The following MYPN variants were observed in gnomAD, a reference collection of about 807,000 sequenced individuals.
The protein encoded by MYPN is sarcomeric protein myopalladin, 145 kDa (MYOP).
In MYPN, 63 loss-of-function variants were observed where a neutral mutation model predicts 129.4. The observed-to-expected ratio is 0.49, with a 90% CI of 0.40 to 0.60. The LOEUF (loss-of-function observed/expected upper bound fraction) is 0.60, where lower values mean the gene tolerates loss of function less well. MYPN is among the 20% of genes least tolerant of loss of function. The pLI is 0.00. For missense variants in MYPN, 1,596 were observed against 1,635.4 expected (o/e 0.98, Z 0.42); for synonymous variants, 629 against 600.9 (o/e 1.05, Z -0.68).
intron 6 of MYPN, among the ~76,000 whole-genome samples, chr10:68,155,743 A>C (rs561972043): frequency 6.6e-6 from 1 of 152,174 alleles, no homozygotes; most frequent in South Asian, 2.1e-4. Context: ...AGCAGCTTTC[A>C]GCAATAACAA....
rs189073230 is a variant in MYPN, at chr10:68,194,314, C to T, written c.2926-49C>T. 132 of 1,600,846 alleles carry T rather than the reference C, an allele frequency of 8.2e-5. 1 individual carries two copies. The East Asian group carries it at 2.3e-3, about 28-fold the overall frequency. On this transcript the variant is annotated intron_variant, in intron 13 of 19. Transcript: ENST00000358913. The stretch of plus-strand genomic sequence containing the variant: ...TCACCCCAGACCCTAGTTCATTAAC[C>T]TCTAAAGATAAACAAAACAGTGTAC...
At chr10:68,146,123 A>T (rs897344813) in intron 4 of MYPN, among the ~76,000 whole-genome samples, 1 of 132,742 alleles carries the variant, frequency 7.5e-6, no homozygotes, top group Non-Finnish European at 1.5e-5. Context: ...AGCAACATTT[A>T]AAAAAAATCT....
chr10:68,203,623 A>G (rs1167009332), intron 18 of MYPN, among the ~76,000 whole-genome samples: 5 of 151,808 alleles, frequency 3.3e-5, no homozygotes, highest in Non-Finnish European at 7.4e-5. Flanking sequence ...GATACTTTAA[A>G]CTCATAGTGA....
intron 6 of MYPN, among the ~76,000 whole-genome samples, chr10:68,154,253 G>A (rs1589563888): frequency 1.3e-5 from 2 of 152,190 alleles, no homozygotes; most frequent in South Asian, 2.1e-4. Context: ...AAGGGAGGTC[G>A]ATGATCAAAT....
chr10:68,140,163 A>G (rs2042553748), intron 2 of MYPN, among the ~76,000 whole-genome samples: 2 of 152,128 alleles, frequency 1.3e-5, no homozygotes, highest in South Asian at 4.1e-4. Context: ...CAAAGTGGGG[A>G]AAAGCTTATG....
At chr10:68,176,837 C>A (rs1271957734) in intron 12 of MYPN, among the ~76,000 whole-genome samples, 3 of 152,216 alleles carry the variant, frequency 2.0e-5, no homozygotes, top group Admixed American at 2.0e-4. Context: ...GATACTCTCA[C>A]ATTTTCCCTG....
At chr10:68,208,953 C>T (rs187324913) in intron 19 of MYPN, among the ~76,000 whole-genome samples, 1 of 152,266 alleles carries the variant, frequency 6.6e-6, no homozygotes, top group African/African-American at 2.4e-5. Flanking sequence ...CAAGAGCAGG[C>T]CTTACTGAGT....
chr10:68,158,674 C>T (rs761613564), intron 7 of MYPN, 47 bp downstream of exon 7: 6 of 1,345,914 alleles, frequency 4.5e-6, no homozygotes, highest in Non-Finnish European at 5.2e-6. Context: ...TTTTTATGAA[C>T]TTATTGTACA....
At chr10:68,202,357 T>C (rs1002166449) in intron 18 of MYPN, among the ~76,000 whole-genome samples, 2 of 151,598 alleles carry the variant, frequency 1.3e-5, no homozygotes, top group Non-Finnish European at 2.9e-5. Context: ...GGCGTGAACC[T>C]GGGAGGCGGA....
chr10:68,114,034 C>A (rs542734943), intron 1 of MYPN, among the ~76,000 whole-genome samples: 1 of 152,240 alleles, frequency 6.6e-6, no homozygotes, highest in South Asian at 2.1e-4. Context: ...ACCCTTTGAC[C>A]AACATCTCGG....
At chr10:68,179,584 G>A (rs1194445399) in intron 12 of MYPN, among the ~76,000 whole-genome samples, 1 of 152,190 alleles carries the variant, frequency 6.6e-6, no homozygotes, top group Non-Finnish European at 1.5e-5. Flanking sequence ...TGACTATATA[G>A]ATTCTGATTA....
chr10:68,127,383 G>A (rs2042342913), intron 2 of MYPN, among the ~76,000 whole-genome samples: 1 of 120,858 alleles, frequency 8.3e-6, no homozygotes, highest in Non-Finnish European at 1.6e-5. Context: ...CTGAAGTGCT[G>A]GAGTGCAGTG....
intron 7 of MYPN, among the ~76,000 whole-genome samples, chr10:68,159,403 A>G (rs2042936517): frequency 6.6e-6 from 1 of 152,254 alleles, no homozygotes; most frequent in South Asian, 2.1e-4. Flanking sequence ...TTATAGGCCA[A>G]AAAATGGGAA....
At chr10:68,150,764 G>A (rs2042755864) in intron 6 of MYPN, among the ~76,000 whole-genome samples, 1 of 152,168 alleles carries the variant, frequency 6.6e-6, no homozygotes, top group Admixed American at 6.5e-5. Context: ...CTATCAGACT[G>A]TGTTTATATG....
intron 13 of MYPN, among the ~76,000 whole-genome samples, chr10:68,191,636 C>T (rs530730525): frequency 2.2e-4 from 33 of 152,302 alleles, no homozygotes; most frequent in South Asian, 1.0e-3. Flanking sequence ...AATTCGTGAA[C>T]GTGGGATATC....
intron 10 of MYPN, among the ~76,000 whole-genome samples, chr10:68,169,461 T>A (rs1349133824): frequency 6.6e-6 from 1 of 152,014 alleles, no homozygotes; most frequent in Non-Finnish European, 1.5e-5. Flanking sequence ...GTACGTCGGT[T>A]AGGATTAAGT....
At chr10:68,095,313 A>C (rs894657603) in intron 1 of MYPN, among the ~76,000 whole-genome samples, 1 of 151,170 alleles carries the variant, frequency 6.6e-6, no homozygotes, top group Non-Finnish European at 1.5e-5. Context: ...TCACTCTATT[A>C]CACTCCAGCT....
intron 8 of MYPN, chr10:68,165,485 C>A: frequency 7.8e-6 from 5 of 641,436 alleles, no homozygotes; most frequent in Non-Finnish European, 1.4e-5. Flanking sequence ...CAGTACTTGG[C>A]CTGTCTGCAT....
At chr10:68,168,867 C>T (rs1044023908) in intron 10 of MYPN, among the ~76,000 whole-genome samples, 1 of 151,784 alleles carries the variant, frequency 6.6e-6, no homozygotes, top group African/African-American at 2.4e-5. Flanking sequence ...GTGGCGCGTG[C>T]CTTTAATCCC....
Sources: allele counts gnomAD v4.1 joint callset (sites outside exome capture counted in the v4.1 genomes callset), GRCh38; gene constraint gnomAD v4.1.1; transcripts MANE v1.5; gene names NCBI Gene and HGNC (gene_info 2026-07-23, HGNC 2026-07-21).